RETREG1: variants seen among roughly 807,000 people sequenced by gnomAD.
RETREG1 encodes the protein reticulophagy regulator 1.
In RETREG1, 44 loss-of-function variants were observed where a neutral mutation model predicts 54.8. The observed-to-expected ratio is 0.80, with a 90% CI of 0.63 to 1.03. The LOEUF (loss-of-function observed/expected upper bound fraction) is 1.03. Among genes scored for constraint, RETREG1 ranks in the 50% least tolerant of loss-of-function variants. The pLI is 0.00. For missense variants in RETREG1, 554 were observed against 605.1 expected (o/e 0.92, Z 0.89); for synonymous variants, 217 against 238.5 (o/e 0.91, Z 0.83).
intron 1 of RETREG1, among the ~76,000 whole-genome samples, chr5:16,614,376 A>G (rs1743433613): frequency 6.6e-6 from 1 of 152,268 alleles, no homozygotes; most frequent in Non-Finnish European, 1.5e-5. Flanking sequence ...ATTTATAAAC[A>G]AACAATGCTG....
chr5:16,495,651 A>T (rs1398349700), intron 3 of RETREG1, among the ~76,000 whole-genome samples: 1 of 152,144 alleles, frequency 6.6e-6, no homozygotes, highest in Non-Finnish European at 1.5e-5. Context: ...AATACAAAAA[A>T]TTGGCCAGGC....
chr5:16,591,928 A>T (rs112110033), intron 1 of RETREG1, among the ~76,000 whole-genome samples: 10 of 152,362 alleles, frequency 6.6e-5, no homozygotes, highest in African/African-American at 2.4e-4. Context: ...CTGTGTTTGT[A>T]ACATTTGACA....
chr5:16,529,211 G>A (rs994331222), intron 3 of RETREG1, among the ~76,000 whole-genome samples: 2 of 152,070 alleles, frequency 1.3e-5, no homozygotes, highest in African/African-American at 2.4e-5. Context: ...GTGTCTTGGC[G>A]CCTATCATAG....
intron 1 of RETREG1, among the ~76,000 whole-genome samples, chr5:16,600,863 A>G (rs967933699): frequency 2.0e-5 from 3 of 152,272 alleles, no homozygotes; most frequent in East Asian, 3.9e-4. Context: ...TCTAAGAATC[A>G]AAACAAACGC....
chr5:16,531,086 A>G (rs1193857699), intron 3 of RETREG1, among the ~76,000 whole-genome samples: 1 of 152,194 alleles, frequency 6.6e-6, no homozygotes, highest in Non-Finnish European at 1.5e-5. Context: ...TGGCCAGTTC[A>G]TCCCTTGATG....
At chr5:16,535,313 G>T (rs1353717529) in intron 3 of RETREG1, among the ~76,000 whole-genome samples, 1 of 152,274 alleles carries the variant, frequency 6.6e-6, no homozygotes, top group African/African-American at 2.4e-5. Flanking sequence ...CATGAAGTGG[G>T]AGTTGGAGTT....
chr5:16,611,193 A>G lies in RETREG1; in HGVS notation c.320+5459T>C, dbSNP rs548115899. Among the ~76,000 whole-genome samples the G allele has an allele frequency of 6.7e-3, 1,024 of 152,274 alleles. 5 individuals are homozygous for G. Among genetic ancestry groups the G allele is most frequent in the Non-Finnish European group, 0.012 (823 of 68,014 alleles). ...ACTGCATGTTCTCACTTATAGGTGG[A>G]AACTGAACAATGAGAACACTTGGAC... On this transcript the variant is annotated intron_variant, in intron 1 of 8. Coordinates refer to ENST00000306320, the MANE Select transcript of RETREG1 (RefSeq NM_001034850.3).
chr5:16,616,601 C>A, intron 1 of RETREG1, 51 bp downstream of exon 1: 1 of 1,545,172 alleles, frequency 6.5e-7, no homozygotes, highest in Non-Finnish European at 8.7e-7. Flanking sequence ...GCCCCGGGCG[C>A]CCCAAGGTCA....
intron 1 of RETREG1, among the ~76,000 whole-genome samples, chr5:16,615,590 C>A (rs1441405349): frequency 2.6e-5 from 4 of 152,020 alleles, no homozygotes; most frequent in Non-Finnish European, 4.4e-5. Context: ...AAACTCTATT[C>A]CAAACACAGA....
chr5:16,575,224 T>A (rs948306593), intron 1 of RETREG1, among the ~76,000 whole-genome samples: 1 of 152,200 alleles, frequency 6.6e-6, no homozygotes, highest in Non-Finnish European at 1.5e-5. Context: ...TCAATTCTAT[T>A]ACGCGTTTAA....
chr5:16,567,496 G>A (rs1742046686), intron 2 of RETREG1, among the ~76,000 whole-genome samples: 3 of 152,198 alleles, frequency 2.0e-5, no homozygotes, highest in Admixed American at 1.3e-4. Flanking sequence ...ACAGTTGATG[G>A]CAACCAGGGT....
At chr5:16,484,175 C>G (rs1010406791) in intron 3 of RETREG1, among the ~76,000 whole-genome samples, 2 of 151,960 alleles carry the variant, frequency 1.3e-5, no homozygotes, top group Non-Finnish European at 2.9e-5. Flanking sequence ...ATGCATGGGC[C>G]GGCAACCAGC....
intron 3 of RETREG1, among the ~76,000 whole-genome samples, chr5:16,514,160 G>T (rs4702150): frequency 0.18 from 27,539 of 152,130 alleles, 2,848 homozygotes; most frequent in Middle Eastern, 0.26. Flanking sequence ...TTGGGGAGAG[G>T]AGATCATGGG....
chr5:16,495,342 G>C (rs183815155), intron 3 of RETREG1, among the ~76,000 whole-genome samples: 1 of 152,296 alleles, frequency 6.6e-6, no homozygotes, highest in Admixed American at 6.5e-5. Flanking sequence ...AAGTAAAAAG[G>C]AGCCAAGTGC....
chr5:16,474,705 G>GTTTTTTTTTTTTTTTTT lies in RETREG1; in HGVS notation c.*35_*36insAAAAAAAAAAAAAAAAA. 1.4e-6 allele frequency: 2 copies of GTTTTTTTTTTTTTTTTT among 1,453,216 alleles called. No individual in the cohort carries two copies. The highest frequency in any genetic ancestry group is 1.8e-6 in the Non-Finnish European group (2 of 1,102,406). The allele number at this position is 1,453,216 out of a possible 1,614,324, so 90.0% of individuals were successfully genotyped here. A position where few individuals can be genotyped will look rare whatever the true frequency, so the allele number is the denominator to read the frequency against. ...TTTTTTCTTGTTTGAAATTTTTTTG[G>GTTTTTTTTTTTTTTTTT]TGTTTTTTGTGCTCTGTTGCAAGCT... is the stretch of plus-strand genomic sequence containing the variant. On this transcript the variant is annotated 3_prime_UTR_variant, in exon 9 of 9. Transcript: ENST00000306320.
intron 3 of RETREG1, among the ~76,000 whole-genome samples, chr5:16,485,756 A>T (rs1738989476): frequency 6.6e-6 from 1 of 152,236 alleles, no homozygotes; most frequent in Non-Finnish European, 1.5e-5. Flanking sequence ...GAAGGGTCTT[A>T]TCTATTTTCC....
chr5:16,544,888 A>C (rs955580377), intron 3 of RETREG1, among the ~76,000 whole-genome samples: 31 of 152,214 alleles, frequency 2.0e-4, no homozygotes, highest in Admixed American at 2.0e-3. Context: ...TCAGACTCCA[A>C]AGTTTCTTCC....
intron 3 of RETREG1, among the ~76,000 whole-genome samples, chr5:16,514,937 G>T (rs1263661933): frequency 2.0e-5 from 3 of 146,800 alleles, no homozygotes; most frequent in Non-Finnish European, 4.5e-5. Context: ...AAATATATGT[G>T]CATATATATT....
At chr5:16,492,229 T>TCTCTCTCTCTCTCTCACA (rs1406702350) in intron 3 of RETREG1, among the ~76,000 whole-genome samples, 11 of 110,566 alleles carry the variant, frequency 9.9e-5, no homozygotes, top group African/African-American at 3.1e-4. Flanking sequence ...TCTCTCTCTC[T>TCTCTCTCTCTCTCTCACA]CACACACACA....
Sources: gnomAD v4.1 joint callset for allele counts (sites outside exome capture counted in the v4.1 genomes callset) on GRCh38, gnomAD v4.1.1 for gene constraint, MANE v1.5 for transcripts, NCBI Gene and HGNC (gene_info 2026-07-23, HGNC 2026-07-21) for gene names.